The following ZBTB46 variants were observed in gnomAD, a reference collection of about 807,000 sequenced individuals.
The protein encoded by ZBTB46 is zinc finger and BTB domain-containing protein 46.
A neutral mutation model predicts 44.1 loss-of-function variants in ZBTB46; 8 were observed. That is an observed-to-expected ratio of 0.18 (90% confidence interval 0.11 to 0.33). ZBTB46 has a LOEUF of 0.33. ZBTB46 is among the 10% of genes least tolerant of loss of function. The probability of loss-of-function intolerance (pLI) is 1.00; values close to 1 mark genes in which losing one functional copy is unlikely to be tolerated. For missense variants in ZBTB46, 651 were observed against 847.7 expected, an observed-to-expected ratio of 0.77 and a Z score of 2.88; for synonymous variants, 409 against 382.3, an observed-to-expected ratio of 1.07 and a Z score of -0.81.
chr20:63,811,924 G>A (rs1252613401), intron 1 of ZBTB46, among the ~76,000 whole-genome samples: 2 of 152,030 alleles, frequency 1.3e-5, no homozygotes, highest in African/African-American at 4.8e-5. Flanking sequence ...CCAAGTACTT[G>A]CCTGGGAAAA....
intron 1 of ZBTB46, among the ~76,000 whole-genome samples, chr20:63,800,897 C>T (rs912213728): frequency 6.6e-6 from 1 of 152,218 alleles, no homozygotes; most frequent in South Asian, 2.1e-4. Flanking sequence ...CCATCAACTG[C>T]CCAAGGGCTG....
intron 2 of ZBTB46, among the ~76,000 whole-genome samples, chr20:63,777,011 G>GCACACGCCACGGTTCCAC (rs1206458534): frequency 6.7e-6 from 1 of 148,386 alleles, no homozygotes; most frequent in Non-Finnish European, 1.5e-5. Flanking sequence ...TACGGTTCCA[G>GCACACGCCACGGTTCCAC]CACACGCCAC....
intron 2 of ZBTB46, 33 bp from the exon 3 acceptor site, chr20:63,775,995 G>A (rs201355340): frequency 9.7e-5 from 146 of 1,512,680 alleles, no homozygotes; most frequent in East Asian, 9.1e-5. Context: ...CAGAAGACAC[G>A]GGTCGTTCCC....
At chr20:63,751,573 A>G (rs1447328521) in intron 4 of ZBTB46, among the ~76,000 whole-genome samples, 3 of 152,038 alleles carry the variant, frequency 2.0e-5, no homozygotes, top group African/African-American at 7.2e-5. Flanking sequence ...ACTGCACTGG[A>G]AAAGCAGCAA....
intron 3 of ZBTB46, chr20:63,775,426 C>T: frequency 4.7e-6 from 2 of 427,976 alleles, no homozygotes; most frequent in Non-Finnish European, 8.2e-6. Flanking sequence ...CCAGCAAGCA[C>T]TCGGCTGCTC....
intron 3 of ZBTB46, among the ~76,000 whole-genome samples, chr20:63,773,558 A>C (rs926405599): frequency 6.6e-6 from 1 of 152,150 alleles, no homozygotes; most frequent in Admixed American, 6.5e-5. Context: ...GATCCACAGG[A>C]AACAGCACCC....
At chr20:63,802,316 A>G (rs943183121) in intron 1 of ZBTB46, among the ~76,000 whole-genome samples, 1 of 152,034 alleles carries the variant, frequency 6.6e-6, no homozygotes, top group Non-Finnish European at 1.5e-5. Context: ...CCAGCTACTC[A>G]GGAGGCTGAG....
chr20:63,770,619 G>T (rs1378756222), intron 3 of ZBTB46, among the ~76,000 whole-genome samples: 1 of 152,200 alleles, frequency 6.6e-6, no homozygotes, highest in Admixed American at 6.5e-5. Flanking sequence ...CTGGCCTGCT[G>T]CCTGCATATT....
chr20:63,756,675 G>A (rs1014086942), intron 3 of ZBTB46, among the ~76,000 whole-genome samples: 2 of 152,150 alleles, frequency 1.3e-5, no homozygotes, highest in African/African-American at 4.8e-5. Flanking sequence ...CAGCACCCTC[G>A]AACAAGCCTC....
chr20:63,811,675 G>T (rs950134110), intron 1 of ZBTB46, among the ~76,000 whole-genome samples: 1 of 152,136 alleles, frequency 6.6e-6, no homozygotes, highest in Non-Finnish European at 1.5e-5. Context: ...GGGCCAGCCG[G>T]CTCACCTTGC....
chr20:63,787,618 T>C lies in ZBTB46; in HGVS notation c.937+2203A>G, dbSNP rs2092526348. 6.6e-6 allele frequency: 1 copy of C among 152,254 alleles called. No individual in the cohort carries two copies. 9.4% of individuals were successfully genotyped at this position (152,254 alleles called of 1,614,324 possible). ...GGTTTGTGCTGGGCCTATAACCGGC[T>C]GCACTTTCTAGTTTTGTGACGGGCG... is the stretch of plus-strand genomic sequence containing the variant. On this transcript the variant is annotated intron_variant, in intron 2 of 4. Coordinates refer to ENST00000245663, the MANE Select transcript of ZBTB46 (RefSeq NM_001369741.1). The surrounding 1 kb of genome is among the most constrained non-coding windows in gnomAD (Gnocchi z 4.6).
intron 2 of ZBTB46, among the ~76,000 whole-genome samples, chr20:63,777,326 G>A (rs149323546): frequency 0.019 from 2,861 of 152,284 alleles, 46 homozygotes; most frequent in Non-Finnish European, 0.031. Context: ...AATTAGCTGA[G>A]TGTGGTGGGT....
chr20:63,821,786 C>A (rs1362931691), intron 1 of ZBTB46, among the ~76,000 whole-genome samples: 1 of 152,102 alleles, frequency 6.6e-6, no homozygotes, highest in African/African-American at 2.4e-5. Flanking sequence ...AACAGAAATA[C>A]TTAAAGTACA....
chr20:63,750,901 C>CA lies in ZBTB46; in HGVS notation c.1398+1784dup, dbSNP rs990711658. Among the ~76,000 whole-genome samples, 594 of 143,126 alleles carry CA rather than the reference C, an allele frequency of 4.2e-3. 4 individuals are homozygous for CA. Among genetic ancestry groups the CA allele is most frequent in the African/African-American group, 0.011 (433 of 38,898 alleles). 93.9% of individuals were successfully genotyped at this position (143,126 alleles called of 152,430 possible). A position where few individuals can be genotyped will look rare whatever the true frequency, so the allele number is the denominator to read the frequency against. On this transcript the variant is annotated intron_variant, in intron 4 of 4. Coordinates refer to ENST00000245663, the MANE Select transcript of ZBTB46 (RefSeq NM_001369741.1). ...TGGGTAACACAGTGAAACCCTGTCTCAAAAAAAAAACAAAAAAACAAACCC... is the reference window on the plus strand; with the variant it reads ...TGGGTAACACAGTGAAACCCTGTCTCAAAAAAAAAAACAAAAAAACAAACCC...
In ZBTB46 at chr20:63,746,736, C is replaced by T. The variant is rs181952555; in HGVS notation, c.*194G>A. 3.1e-4 allele frequency: 267 copies of T among 855,946 alleles called. No individual in the cohort carries two copies. Among genetic ancestry groups the T allele is most frequent in the East Asian group, 4.2e-4 (14 of 33,106 alleles). The allele number at this position is 855,946 out of a possible 1,614,324, so 53.0% of individuals were successfully genotyped here. A position where few individuals can be genotyped will look rare whatever the true frequency, so the allele number is the denominator to read the frequency against. On this transcript the variant is annotated 3_prime_UTR_variant, in exon 5 of 5. Transcript: ENST00000245663. ...CCCCCAACTCACTTCATGTCTGGTCCCAGAGCACCCCTCTTGCTGGGGTCG... is the reference window on the plus strand; with the variant it reads ...CCCCCAACTCACTTCATGTCTGGTCTCAGAGCACCCCTCTTGCTGGGGTCG...
chr20:63,827,287 G>A (rs1463879106), intron 1 of ZBTB46, among the ~76,000 whole-genome samples: 2 of 152,184 alleles, frequency 1.3e-5, no homozygotes, highest in Non-Finnish European at 2.9e-5. Flanking sequence ...GAGTGTCTCC[G>A]GTAAGACGCA....
At chr20:63,820,223 A>T (rs2092783503) in intron 1 of ZBTB46, among the ~76,000 whole-genome samples, 1 of 151,896 alleles carries the variant, frequency 6.6e-6, no homozygotes. Flanking sequence ...CCTCCTGAGT[A>T]GCTGGGACTA....
Position 63,790,041 on chromosome 20 carries a change from T to A in ZBTB46, c.717A>T (p.Gly239=), listed in dbSNP as rs767910963. The A allele has an allele frequency of 6.2e-7, 1 of 1,613,986 alleles. No homozygotes were observed. The highest frequency in any genetic ancestry group is 1.1e-5 in the South Asian group (1 of 91,084). ...CCTTGGCAGAAGGCAGCTCGCTCCCTCCGTACTGAGACGGTGAAACCTGCT... is the reference window on the plus strand; with the variant it reads ...CCTTGGCAGAAGGCAGCTCGCTCCCACCGTACTGAGACGGTGAAACCTGCT... ...KEEQVSPSQY[G]GSELPSAKDG... is the part of the protein sequence containing the mutation. The change falls in exon 2 of 5, where the codon GGA becomes GGT. Residue 239 remains glycine, a synonymous_variant. Transcript: ENST00000245663.
At chr20:63,782,381 C>G (rs4809344) in intron 2 of ZBTB46, among the ~76,000 whole-genome samples, 135,445 of 152,156 alleles carry the variant, frequency 0.89, 60,654 homozygotes, top group East Asian at 0.99. Context: ...GGAATGATGT[C>G]GGGCCACGAG....
Sources: allele counts gnomAD v4.1 joint callset (sites outside exome capture counted in the v4.1 genomes callset), GRCh38; gene constraint gnomAD v4.1.1; non-coding constraint Gnocchi (gnomAD v3.1); transcripts MANE v1.5; gene names NCBI Gene and HGNC (gene_info 2026-07-23, HGNC 2026-07-21).